AP2S1: variants seen among roughly 807,000 people sequenced by gnomAD.
AP2S1 encodes adaptor related protein complex 2 subunit sigma 1, also known as AP-2 complex subunit sigma.
In AP2S1, 6 loss-of-function variants were observed where a neutral mutation model predicts 21.0. That is an observed-to-expected ratio of 0.29 (90% CI 0.16 to 0.56). The LOEUF is 0.56. Among genes scored for constraint, AP2S1 ranks in the 20% least tolerant of loss-of-function variants. The pLI is 0.92. For missense variants in AP2S1, 60 were observed against 186.2 expected, an observed-to-expected ratio of 0.32 and a Z score of 3.95; for synonymous variants, 63 against 74.6, an observed-to-expected ratio of 0.84 and a Z score of 0.80.
chr19:46,843,890 A>G (rs2055571534), intron 2 of AP2S1, among the ~76,000 whole-genome samples: 1 of 152,004 alleles, frequency 6.6e-6, no homozygotes, highest in African/African-American at 2.4e-5. Context: ...CGTGTCTCTA[A>G]AAAACACCAA....
Position 46,845,892 on chromosome 19 carries a change from T to C in AP2S1, c.153+101A>G, listed in dbSNP as rs2055622290. ...GGTTGAGTGAATGATATAGGATGGA[T>C]AGAGGGTCCAAGGGGTTCTTGCAAC... On this transcript the variant is annotated intron_variant, in intron 2 of 4. Coordinates refer to ENST00000263270, the MANE Select transcript of AP2S1 (RefSeq NM_004069.6). 1.9e-5 allele frequency: 29 copies of C among 1,489,596 alleles called. No individual in the cohort carries two copies. In the South Asian group the frequency reaches 2.5e-4, roughly 13 times the overall value. The allele number at this position is 1,489,596 out of a possible 1,614,324, so 92.3% of individuals were successfully genotyped here.
chr19:46,840,658 G>T (rs990694606), intron 2 of AP2S1, among the ~76,000 whole-genome samples: 1 of 151,204 alleles, frequency 6.6e-6, no homozygotes, highest in Non-Finnish European at 1.5e-5. Flanking sequence ...GCAGCTCTAG[G>T]TCTGGGGTGT....
At position 46,850,794 on chromosome 19, in the gene AP2S1, C is replaced by T. The variant is rs779752501; in HGVS notation, c.-28G>A. On this transcript the variant is annotated 5_prime_UTR_variant, in exon 1 of 5. Coordinates refer to ENST00000263270, the MANE Select transcript of AP2S1 (RefSeq NM_004069.6). ...CGACCCCCGTCCAGACCCCAGCGGC[C>T]CCGGTCCCGCGGCGACTGGGCAGCT... The T allele has an allele frequency of 9.6e-6, 15 of 1,558,520 alleles. No homozygotes were observed. Among genetic ancestry groups the T allele is most frequent in the South Asian group, 3.5e-5 (3 of 86,214 alleles).
At chr19:46,841,869 C>T (rs1248489333) in intron 2 of AP2S1, among the ~76,000 whole-genome samples, 1 of 152,140 alleles carries the variant, frequency 6.6e-6, no homozygotes, top group Non-Finnish European at 1.5e-5. Flanking sequence ...TAAAGGAAAG[C>T]GGGAGGCGGG....
intron 3 of AP2S1, 41 bp downstream of exon 3, chr19:46,839,424 G>GGCCCCCCCCCCCCCCCCCCCC: frequency 6.6e-7 from 1 of 1,504,488 alleles, no homozygotes; most frequent in Non-Finnish European, 9.2e-7. Context: ...CTCCAGGGCT[G>GGCCCCCCCCCCCCCCCCCCCC]CCCACCCGCC....
At chr19:46,841,586 C>T (rs2055521973) in intron 2 of AP2S1, among the ~76,000 whole-genome samples, 1 of 152,234 alleles carries the variant, frequency 6.6e-6, no homozygotes, top group Non-Finnish European at 1.5e-5. Flanking sequence ...CTGGTCGCCA[C>T]TGTCTGGGGA....
intron 1 of AP2S1, chr19:46,850,442 G>T: frequency 2.5e-6 from 2 of 786,808 alleles, no homozygotes; most frequent in Non-Finnish European, 3.5e-6. Context: ...ATGCCTTCTC[G>T]CTACCCACAA....
intron 2 of AP2S1, among the ~76,000 whole-genome samples, chr19:46,840,238 C>T (rs75849271): frequency 6.6e-6 from 1 of 151,740 alleles, no homozygotes; most frequent in Non-Finnish European, 1.5e-5. Flanking sequence ...GACATGGATT[C>T]TCATTTTATG....
intron 2 of AP2S1, among the ~76,000 whole-genome samples, chr19:46,842,318 C>A (rs1378685969): frequency 6.6e-6 from 1 of 152,106 alleles, no homozygotes; most frequent in African/African-American, 2.4e-5. Context: ...CCCAGCCAGG[C>A]TCCTCGATCC....
At chr19:46,844,790 C>G (rs1184081587) in intron 2 of AP2S1, among the ~76,000 whole-genome samples, 2 of 148,838 alleles carry the variant, frequency 1.3e-5, no homozygotes, top group Non-Finnish European at 3.0e-5. Flanking sequence ...ACAGAATGAG[C>G]TCCTGTTTCA....
At chr19:46,839,820 CCCCT>C (rs1248264294) in intron 2 of AP2S1, among the ~76,000 whole-genome samples, 2 of 113,984 alleles carry the variant, frequency 1.8e-5, no homozygotes, top group African/African-American at 4.0e-5. Context: ...GGTGCCTAAC[CCCCT>C]CTGATCCTGG....
At chr19:46,843,315 A>G (rs77419467) in intron 2 of AP2S1, among the ~76,000 whole-genome samples, 2,373 of 152,244 alleles carry the variant, frequency 0.016, 57 homozygotes, top group African/African-American at 0.053. Flanking sequence ...AGTCTCCTCT[A>G]TGCTCTTGCC....
intron 1 of AP2S1, among the ~76,000 whole-genome samples, chr19:46,848,997 C>T (rs1458091628): frequency 7.3e-6 from 1 of 137,374 alleles, no homozygotes; most frequent in Non-Finnish European, 1.5e-5. Flanking sequence ...AGGCGCGAGT[C>T]ACTGTGCCCA....
intron 2 of AP2S1, among the ~76,000 whole-genome samples, chr19:46,842,363 C>T (rs2055538610): frequency 6.6e-6 from 1 of 152,144 alleles, no homozygotes; most frequent in African/African-American, 2.4e-5. Context: ...CTGTCTAGGA[C>T]AGGCTTGTGT....
At chr19:46,849,007 A>AG (rs1324384619) in intron 1 of AP2S1, among the ~76,000 whole-genome samples, 1 of 88,092 alleles carries the variant, frequency 1.1e-5, no homozygotes, top group African/African-American at 4.8e-5. Context: ...CACTGTGCCC[A>AG]GCCTTTTTTT....
rs2055727148 is a variant in AP2S1 at position 46,850,820 on chromosome 19, C to G, written c.-54G>C. The G allele has an allele frequency of 3.3e-6, 5 of 1,528,820 alleles. No individual in the cohort carries two copies. In the Admixed American group the frequency reaches 8.1e-5, roughly 25 times the overall value. The allele number at this position is 1,528,820 out of a possible 1,614,324, so 94.7% of individuals were successfully genotyped here. On this transcript the variant is annotated 5_prime_UTR_variant, in exon 1 of 5. Coordinates refer to ENST00000263270, the MANE Select transcript of AP2S1 (RefSeq NM_004069.6). ...CCGGTCCCGCGGCGACTGGGCAGCT[C>G]CGGCTCAGGGTGCAGTTGTAGGGCC...
chr19:46,846,116 C>T lies in AP2S1; in HGVS notation c.30G>A (p.Arg10=), dbSNP rs374421844. The change falls in exon 2 of 5, where the codon CGG becomes CGA. Residue 10 remains arginine, a synonymous_variant. Coordinates refer to ENST00000263270, the MANE Select transcript of AP2S1 (RefSeq NM_004069.6). The part of the protein sequence containing the change: MIRFILIQN[R]AGKTRLAKWY... ...ACTTGGCCAGGCGCGTCTTGCCTGC[C>T]CGGTTCTGGATGAGGATAAAGCGGA... 39 of 1,614,094 alleles carry T rather than the reference C, an allele frequency of 2.4e-5. No individual in the cohort carries two copies. Among genetic ancestry groups the T allele is most frequent in the Admixed American group, 5.0e-5 (3 of 60,020 alleles).
Position 46,850,751 on chromosome 19 carries a change from G to A in AP2S1, c.3+13C>T, listed in dbSNP as rs759974290. 1 of 1,577,932 alleles carries A rather than the reference G, an allele frequency of 6.3e-7. No homozygotes were observed. ...CCCCTCCGCCAGTCCCCGGCGTAGC[G>A]CTCCCCCGTTACCATGGCGACCCCC... On this transcript the variant is annotated intron_variant, in intron 1 of 4. Coordinates refer to ENST00000263270, the MANE Select transcript of AP2S1 (RefSeq NM_004069.6).
At chr19:46,849,933 C>G (rs1161947427) in intron 1 of AP2S1, among the ~76,000 whole-genome samples, 3 of 152,156 alleles carry the variant, frequency 2.0e-5, no homozygotes, top group Non-Finnish European at 4.4e-5. Flanking sequence ...TTCCCAACTT[C>G]CAGCCCAAAG....
Sources: allele counts gnomAD v4.1 joint callset (sites outside exome capture counted in the v4.1 genomes callset), GRCh38; gene constraint gnomAD v4.1.1; transcripts MANE v1.5; gene names NCBI Gene and HGNC (gene_info 2026-07-23, HGNC 2026-07-21).